NAALADL2: variants seen among roughly 807,000 people sequenced by gnomAD.
The protein encoded by NAALADL2 is inactive N-acetylated-alpha-linked acidic dipeptidase-like protein 2.
Under a neutral mutation model 87.2 loss-of-function variants are expected in NAALADL2, and 76 were observed. The observed-to-expected ratio is 0.87, with a 90% CI of 0.72 to 1.05. The LOEUF (loss-of-function observed/expected upper bound fraction) is 1.05, where lower values mean the gene tolerates loss of function less well. NAALADL2 is among the 50% of genes least tolerant of loss of function. The probability of loss-of-function intolerance (pLI) is 0.00; values close to 1 mark genes in which losing one functional copy is unlikely to be tolerated. For synonymous variants in NAALADL2, 354 were observed against 331.0 expected, an observed-to-expected ratio of 1.07 and a Z score of -0.75; for missense variants, 1,089 against 945.8, an observed-to-expected ratio of 1.15 and a Z score of -1.99.
intron 2 of NAALADL2, among the ~76,000 whole-genome samples, chr3:174,577,146 T>A (rs1366322975): frequency 6.6e-6 from 1 of 152,092 alleles, no homozygotes; most frequent in Non-Finnish European, 1.5e-5. Context: ...ATTCAAGAGT[T>A]TAGATGCCTA....
intron 9 of NAALADL2, among the ~76,000 whole-genome samples, chr3:175,508,757 T>A (rs375591025): frequency 6.6e-6 from 1 of 152,148 alleles, no homozygotes; most frequent in African/African-American, 2.4e-5. Context: ...AATATTTTAA[T>A]TGGTGCTTTT....
At chr3:174,495,710 T>G (rs1224514620) in intron 1 of NAALADL2, among the ~76,000 whole-genome samples, 1 of 41,496 alleles carries the variant, frequency 2.4e-5, no homozygotes, top group Non-Finnish European at 5.1e-5. Context: ...CTTTTTCTGT[T>G]GCAGTTAAAA....
intron 1 of NAALADL2, among the ~76,000 whole-genome samples, chr3:175,007,817 T>A (rs1198524209): frequency 6.6e-6 from 1 of 152,128 alleles, no homozygotes; most frequent in Non-Finnish European, 1.5e-5. Context: ...AACAGTACTA[T>A]AATAAAATAG....
intron 4 of NAALADL2, among the ~76,000 whole-genome samples, chr3:175,295,369 A>T (rs914003316): frequency 3.9e-5 from 6 of 152,012 alleles, no homozygotes; most frequent in African/African-American, 1.4e-4. Flanking sequence ...GCCAAACCTG[A>T]ATTCGTTTCT....
intron 2 of NAALADL2, among the ~76,000 whole-genome samples, chr3:174,669,799 A>G (rs770274677): frequency 6.6e-6 from 1 of 151,998 alleles, no homozygotes; most frequent in Non-Finnish European, 1.5e-5. Context: ...TTTGATACAT[A>G]GTTAATTGAA....
At chr3:175,392,416 T>G (rs1416008304) in intron 5 of NAALADL2, among the ~76,000 whole-genome samples, 2 of 152,200 alleles carry the variant, frequency 1.3e-5, no homozygotes, top group Non-Finnish European at 2.9e-5. Flanking sequence ...AAGACAAATC[T>G]TACATTCTAG....
chr3:174,487,480 A>G (rs1466860832), intron 1 of NAALADL2, among the ~76,000 whole-genome samples: 2 of 152,026 alleles, frequency 1.3e-5, no homozygotes, highest in Non-Finnish European at 2.9e-5. Context: ...TTGAGTCCAC[A>G]AACCTAGAAT....
intron 11 of NAALADL2, among the ~76,000 whole-genome samples, chr3:175,647,205 C>T (rs907150561): frequency 2.0e-5 from 3 of 152,110 alleles, no homozygotes; most frequent in South Asian, 2.1e-4. Context: ...ATATTCCTAA[C>T]AGAGAAGAGG....
At chr3:174,770,793 C>T (rs556164101) in intron 3 of NAALADL2, among the ~76,000 whole-genome samples, 4 of 150,580 alleles carry the variant, frequency 2.7e-5, no homozygotes, top group Admixed American at 6.6e-5. Flanking sequence ...GAGCCGAGAT[C>T]GTGCCACTAC....
chr3:175,107,620 A>G (rs1400135679), intron 2 of NAALADL2, among the ~76,000 whole-genome samples: 1 of 151,930 alleles, frequency 6.6e-6, no homozygotes, highest in Non-Finnish European at 1.5e-5. Flanking sequence ...AAATAAACCA[A>G]TGTAAAATGG....
intron 6 of NAALADL2, 36 bp from the exon 7 acceptor site, chr3:175,463,365 A>G (rs578253029): frequency 4.6e-5 from 59 of 1,284,352 alleles, no homozygotes; most frequent in Non-Finnish European, 5.6e-5. Flanking sequence ...AATAAAATAT[A>G]AAGAAGCAAA....
chr3:175,437,538 C>T (rs373039819), intron 5 of NAALADL2, among the ~76,000 whole-genome samples: 4 of 142,644 alleles, frequency 2.8e-5, no homozygotes, highest in South Asian at 4.8e-4. Flanking sequence ...AGGTAATTTA[C>T]AGATTCAATG....
intron 4 of NAALADL2, among the ~76,000 whole-genome samples, chr3:175,309,818 C>T (rs995796911): frequency 1.3e-5 from 2 of 152,048 alleles, no homozygotes; most frequent in Non-Finnish European, 2.9e-5. Context: ...GATATATTAC[C>T]TCCTTTGAAT....
chr3:174,935,843 A>C (rs1273482931), intron 1 of NAALADL2, among the ~76,000 whole-genome samples: 3 of 152,160 alleles, frequency 2.0e-5, no homozygotes, highest in African/African-American at 7.2e-5. Flanking sequence ...CTAGACTATA[A>C]GATTAATAGG....
chr3:174,948,208 G>A (rs534363439), intron 1 of NAALADL2, among the ~76,000 whole-genome samples: 1 of 147,982 alleles, frequency 6.8e-6, no homozygotes, highest in Non-Finnish European at 1.5e-5. Flanking sequence ...ATGGAGTCTT[G>A]CTCTGTCGCC....
intron 13 of NAALADL2, among the ~76,000 whole-genome samples, chr3:175,784,058 T>G (rs557908410): frequency 0.033 from 4,979 of 148,816 alleles, 97 homozygotes; most frequent in South Asian, 0.067. Flanking sequence ...GAAGCCCACT[T>G]GATCATGGTG....
intron 2 of NAALADL2, among the ~76,000 whole-genome samples, chr3:175,212,310 A>G (rs952386350): frequency 2.4e-4 from 36 of 151,438 alleles, no homozygotes; most frequent in African/African-American, 8.8e-4. Context: ...ACTATATAAG[A>G]GTTAATTAAT....
chr3:174,441,339 C>T (rs1714599698), intron 1 of NAALADL2, among the ~76,000 whole-genome samples: 1 of 152,182 alleles, frequency 6.6e-6, no homozygotes, highest in Non-Finnish European at 1.5e-5. Context: ...TCCAAGGCCC[C>T]CGCCCACCTC....
At position 174,787,678 on chromosome 3, in the gene NAALADL2, C is replaced by G. The variant is rs1406424680; in HGVS notation, c.-9+49932C>G. ...GGCTCAACTATATTTCAAAACTGGA[C>G]TTTTTGAAATAAAGAAAAGAGAAGT... On this transcript the variant is annotated intron_variant, in intron 3 of 3. Coordinates refer to the NAALADL2 transcript ENST00000434257. Among the ~76,000 whole-genome samples, 44 of 132,714 alleles carry G rather than the reference C, an allele frequency of 3.3e-4. No individual in the cohort carries two copies. In the Admixed American group the frequency reaches 3.6e-3, roughly 11 times the overall value. The allele number at this position is 132,714 out of a possible 152,430, so 87.1% of individuals were successfully genotyped here. A position where few individuals can be genotyped will look rare whatever the true frequency, so the allele number is the denominator to read the frequency against.
Sources: gnomAD v4.1 joint callset for allele counts (sites outside exome capture counted in the v4.1 genomes callset) on GRCh38, gnomAD v4.1.1 for gene constraint, MANE v1.5 for transcripts, NCBI Gene and HGNC (gene_info 2026-07-23, HGNC 2026-07-21) for gene names.